The following CDK2AP2 variants were observed in gnomAD, a reference collection of about 807,000 sequenced individuals.
The protein encoded by CDK2AP2 is cyclin-dependent kinase 2-associated protein 2.
CDK2AP2 carries 1 observed loss-of-function variant against 13.0 expected under a neutral mutation model. The observed-to-expected ratio is 0.08, with a 90% CI of 0.03 to 0.37. The LOEUF is 0.37. Among genes scored for constraint, CDK2AP2 ranks in the 10% least tolerant of loss-of-function variants. CDK2AP2 has a pLI of 0.99. For synonymous variants in CDK2AP2, 76 were observed against 73.0 expected (o/e 1.04, Z -0.21); for missense variants, 129 against 175.8 (o/e 0.73, Z 1.50).
rs2134348551 is a variant in CDK2AP2, at chr11:67,506,681, G to C, written c.*264C>G. The C allele has an allele frequency of 1.3e-5, 7 of 537,704 alleles. No individual in the cohort carries two copies. Among genetic ancestry groups the C allele is most frequent in the South Asian group, 1.3e-4 (6 of 46,178 alleles). 33.3% of individuals were successfully genotyped at this position (537,704 alleles called of 1,614,324 possible). On this transcript the variant is annotated 3_prime_UTR_variant, in exon 4 of 4. Transcript: ENST00000301488. ...AAGTGCTGGGAAGGGCTGAGCGGTA[G>C]GGGCCACAAAAGTTCCGGTGGGCAA... is the stretch of plus-strand genomic sequence containing the variant.
rs1866528860 is a variant in CDK2AP2, at chr11:67,506,622, C to T, written c.*323G>A. On this transcript the variant is annotated 3_prime_UTR_variant, in exon 4 of 4. Coordinates refer to ENST00000301488, the MANE Select transcript of CDK2AP2 (RefSeq NM_005851.5). ...GGGAGGTGCCAGGCCTGTGCCCCTGCTGGGGGAGAAGGAGGCTCGGGACAA... is the reference window on the plus strand; with the variant it reads ...GGGAGGTGCCAGGCCTGTGCCCCTGTTGGGGGAGAAGGAGGCTCGGGACAA... 1.4e-5 allele frequency: 6 copies of T among 434,924 alleles called. No homozygotes were observed. Among genetic ancestry groups the T allele is most frequent in the Admixed American group, 1.2e-4 (3 of 24,566 alleles). The allele number at this position is 434,924 out of a possible 1,614,324, so 26.9% of individuals were successfully genotyped here. A position where few individuals can be genotyped will look rare whatever the true frequency, so the allele number is the denominator to read the frequency against.
chr11:67,506,650 T>G lies in CDK2AP2; in HGVS notation c.*295A>C. 2.1e-6 allele frequency: 1 copy of G among 467,964 alleles called. No homozygotes were observed. The highest frequency in any genetic ancestry group is 3.8e-6 in the Non-Finnish European group (1 of 261,340). The allele number at this position is 467,964 out of a possible 1,614,324, so 29.0% of individuals were successfully genotyped here. A position where few individuals can be genotyped will look rare whatever the true frequency, so the allele number is the denominator to read the frequency against. ...GGGGAGAAGGAGGCTCGGGACAAAG[T>G]GGGAGAAGTGCTGGGAAGGGCTGAG... On this transcript the variant is annotated 3_prime_UTR_variant, in exon 4 of 4. Transcript: ENST00000301488.
rs370746414 is a variant in CDK2AP2, at chr11:67,507,347, C to A, written c.313+18G>T. ...TCCAGTGTCGGTTTCCTGAGCAGGGCGGCCTGGCCTCACTTACCTCTCTTC... is the reference window on the plus strand; with the variant it reads ...TCCAGTGTCGGTTTCCTGAGCAGGGAGGCCTGGCCTCACTTACCTCTCTTC... On this transcript the variant is annotated intron_variant, in intron 3 of 3. Coordinates refer to ENST00000301488, the MANE Select transcript of CDK2AP2 (RefSeq NM_005851.5). The A allele has an allele frequency of 2.1e-5, 34 of 1,611,872 alleles. No homozygotes were observed. The African/African-American group carries it at 3.3e-4, about 16-fold the overall frequency.
At position 67,507,625 on chromosome 11, in the gene CDK2AP2, G is replaced by C; in HGVS notation, c.147C>G (p.Asn49Lys). The change falls in exon 2 of 4, where the codon AAC becomes AAG. Residue 49 changes from asparagine (N) to lysine (K), a missense_variant. Coordinates refer to ENST00000301488, the MANE Select transcript of CDK2AP2 (RefSeq NM_005851.5). ...AGCCCATGGAAGGCGGTCCAAAGTCGTTAAACAGCGGTCTGAAAGGAGCGC... is the reference window on the plus strand; with the variant it reads ...AGCCCATGGAAGGCGGTCCAAAGTCCTTAAACAGCGGTCTGAAAGGAGCGC... ...GAGAPFRPLF[N>K]DFGPPSMGYV... 1 of 1,613,554 alleles carries C rather than the reference G, an allele frequency of 6.2e-7. No individual in the cohort carries two copies. The highest frequency in any genetic ancestry group is 8.5e-7 in the Non-Finnish European group (1 of 1,180,032).
rs1247913319 is a variant in CDK2AP2, at chr11:67,508,154, G to A, written c.-72C>T. ...GTTGGCTGCGGGGCCGCTCAGCCGC[G>A]CTCTGATTGGCAAGCGGGCTGCACG... On this transcript the variant is annotated 5_prime_UTR_variant, in exon 1 of 4. Transcript: ENST00000301488. The A allele has an allele frequency of 4.9e-6, 7 of 1,419,504 alleles. No individual in the cohort carries two copies. In the South Asian group the frequency reaches 9.5e-5, roughly 19 times the overall value. 87.9% of individuals were successfully genotyped at this position (1,419,504 alleles called of 1,614,324 possible). A position where few individuals can be genotyped will look rare whatever the true frequency, so the allele number is the denominator to read the frequency against.
intron 3 of CDK2AP2, 33 bp downstream of exon 3, chr11:67,507,332 G>C (rs1436019759): frequency 2.5e-6 from 4 of 1,611,522 alleles, no homozygotes; most frequent in Non-Finnish European, 2.5e-6. Flanking sequence ...TCCAGTGTCG[G>C]TTTCCTGAGC....
At chr11:67,507,281 A>C in intron 3 of CDK2AP2, 84 bp downstream of exon 3, 1 of 1,507,712 alleles carries the variant, frequency 6.6e-7, no homozygotes, top group Non-Finnish European at 9.2e-7. Context: ...GGCTTGGCTC[A>C]GGTGGCCTCC....
Position 67,507,574 on chromosome 11 carries a change from G to A in CDK2AP2, c.180+18C>T. ...GACTCCAGTCCGCATCCATAAGCAA[G>A]GCTTTGGCCCCACTCACCTGCACGT... On this transcript the variant is annotated intron_variant, in intron 2 of 3. Transcript: ENST00000301488. 6.2e-7 allele frequency: 1 copy of A among 1,613,580 alleles called. No homozygotes were observed. Among genetic ancestry groups the A allele is most frequent in the South Asian group, 1.1e-5 (1 of 91,076 alleles).
At chr11:67,507,964 G>T in intron 1 of CDK2AP2, 37 bp downstream of exon 1, 1 of 1,549,562 alleles carries the variant, frequency 6.5e-7, no homozygotes, top group Non-Finnish European at 8.7e-7. Flanking sequence ...GACCTCGACC[G>T]CCCGGCAGGC....
rs776509860 is a variant in CDK2AP2, at chr11:67,507,644, G to T, written c.128C>A (p.Pro43His). 10 of 1,607,500 alleles carry T rather than the reference G, an allele frequency of 6.2e-6. No homozygotes were observed. The highest frequency in any genetic ancestry group is 8.5e-7 in the Non-Finnish European group (1 of 1,175,230). The change falls in exon 2 of 4, where the codon CCT becomes CAT. Residue 43 changes from proline (P) to histidine (H), a missense_variant. By Grantham distance (77) the Pro-to-His change is moderately conservative. Coordinates refer to ENST00000301488, the MANE Select transcript of CDK2AP2 (RefSeq NM_005851.5). Reference sequence around the variant, plus strand: ...AAAGTCGTTAAACAGCGGTCTGAAAGGAGCGCCGGCTCCTGGCACTGAGCC... The same window carrying T: ...AAAGTCGTTAAACAGCGGTCTGAAATGAGCGCCGGCTCCTGGCACTGAGCC... The part of the protein sequence containing the change: ...PSGSVPGAGA[P>H]FRPLFNDFGP...
In CDK2AP2 at chr11:67,508,029, G is replaced by A. The variant is rs1866575275; in HGVS notation, c.54C>T (p.Thr18=). The stretch of plus-strand genomic sequence containing the variant: ...TAGGGACCGGGGTGCCCGGCCCAGG[G>A]GTGCTGGAGCCAGGGGTGCTGCTGG... ...PAPSSTPGSS[T]PGPGTPVPTG... The change falls in exon 1 of 4, where the codon ACC becomes ACT. Residue 18 remains threonine (T), a synonymous_variant. Transcript: ENST00000301488. 6.5e-7 allele frequency: 1 copy of A among 1,535,184 alleles called. No homozygotes were observed. Among genetic ancestry groups the A allele is most frequent in the Admixed American group, 2.2e-5 (1 of 44,892 alleles).
chr11:67,507,251 G>T, intron 3 of CDK2AP2, 114 bp downstream of exon 3: 1 of 1,199,016 alleles, frequency 8.3e-7, no homozygotes, highest in Non-Finnish European at 1.2e-6. Context: ...CTCTCTGGTA[G>T]TAATACTGGA....
At position 67,506,721 on chromosome 11, in the gene CDK2AP2, C is replaced by T; in HGVS notation, c.*224G>A. ...CCGGTGGGCAACACTGTCGGCAGGT[C>T]ATGGGTGGGACTCATGGGGACCTCG... On this transcript the variant is annotated 3_prime_UTR_variant, in exon 4 of 4. Coordinates refer to ENST00000301488, the MANE Select transcript of CDK2AP2 (RefSeq NM_005851.5). The T allele has an allele frequency of 1.8e-6, 1 of 565,748 alleles. No homozygotes were observed. The highest frequency in any genetic ancestry group is 3.1e-5 in the East Asian group (1 of 32,636). 35.0% of individuals were successfully genotyped at this position (565,748 alleles called of 1,614,324 possible).
At position 67,506,840 on chromosome 11, in the gene CDK2AP2, CA is replaced by C; in HGVS notation, c.*104del. On this transcript the variant is annotated 3_prime_UTR_variant, in exon 4 of 4. Coordinates refer to ENST00000301488, the MANE Select transcript of CDK2AP2 (RefSeq NM_005851.5). Reference sequence around the variant, plus strand: ...AGGGGACCCACCAAGGGACACAGGACAGGAAGCCCAGGATGGTTAGTGCAAC... The same window carrying C: ...AGGGGACCCACCAAGGGACACAGGACGGAAGCCCAGGATGGTTAGTGCAAC... 1 of 965,918 alleles carries C rather than the reference CA, an allele frequency of 1.0e-6. No homozygotes were observed. Among genetic ancestry groups the C allele is most frequent in the Non-Finnish European group, 1.6e-6 (1 of 627,964 alleles). The allele number at this position is 965,918 out of a possible 1,614,324, so 59.8% of individuals were successfully genotyped here. A position where few individuals can be genotyped will look rare whatever the true frequency, so the allele number is the denominator to read the frequency against.
intron 3 of CDK2AP2, 147 bp downstream of exon 3, chr11:67,507,218 A>C: frequency 2.0e-6 from 2 of 1,000,902 alleles, no homozygotes; most frequent in Non-Finnish European, 1.5e-6. Flanking sequence ...AAATGGACTC[A>C]ATTTCAATTC....
intron 3 of CDK2AP2, 101 bp from the exon 4 acceptor site, chr11:67,507,113 G>A (rs541115346): frequency 3.2e-6 from 3 of 947,108 alleles, no homozygotes; most frequent in Non-Finnish European, 4.7e-6. Flanking sequence ...TTCGGCAAAA[G>A]AAATTCAAAT....
rs1210278504 is a variant in CDK2AP2, at chr11:67,507,375, G to A, written c.303C>T (p.Arg101=). Residue 101 remains arginine, a synonymous_variant, in exon 3 of 4, where the codon CGC becomes CGT. Coordinates refer to ENST00000301488, the MANE Select transcript of CDK2AP2 (RefSeq NM_005851.5). ...TYAGSKSAME[R]LKRGIIHARA... ...CCTGGCCTCACTTACCTCTCTTCAG[G>A]CGCTCCATGGCGCTCTTGCTGCCAG... The A allele has an allele frequency of 1.2e-6, 2 of 1,612,494 alleles. No homozygotes were observed. The highest frequency in any genetic ancestry group is 1.7e-6 in the Non-Finnish European group (2 of 1,180,014).
rs758010946 is a variant in CDK2AP2 at position 67,506,930 on chromosome 11, C to A, written c.*15G>T. 1.3e-6 allele frequency: 2 copies of A among 1,551,662 alleles called. No homozygotes were observed. The highest frequency in any genetic ancestry group is 2.4e-5 in the East Asian group (1 of 41,164). On this transcript the variant is annotated 3_prime_UTR_variant, in exon 4 of 4. Transcript: ENST00000301488. The stretch of plus-strand genomic sequence containing the variant: ...GGCCGGATAGGTCCAGACGCTGAGG[C>A]CGAGGCGCTTCCTGTTACGTGCGGG...
chr11:67,506,962 GCT>G lies in CDK2AP2; in HGVS notation c.362_363del (p.Glu121AlafsTer77). 6.4e-7 allele frequency: 1 copy of G among 1,559,172 alleles called. No homozygotes were observed. Among genetic ancestry groups the G allele is most frequent in the Non-Finnish European group, 8.7e-7 (1 of 1,151,252 alleles). ...GCTTCCTGTTACGTGCGGGCGTTCC[GCT>G]CTGTCTCTGCCAGGCACTCTCTGAC... is the stretch of plus-strand genomic sequence containing the variant. ...ALVRECLAET[E>X]RNART On this transcript the variant is annotated frameshift_variant, in exon 4 of 4. Transcript: ENST00000301488. LOFTEE classifies it high-confidence loss of function.
Sources: gnomAD v4.1 joint callset for allele counts on GRCh38, gnomAD v4.1.1 for gene constraint, MANE v1.5 for transcripts, NCBI Gene and HGNC (gene_info 2026-07-23, HGNC 2026-07-21) for gene names.